Variants in ZYG11B observed in about 807,000 individuals in gnomAD.
ZYG11B encodes the protein zyg-11 family member B, cell cycle regulator, also known as protein zyg-11 homolog B.
In ZYG11B, 36 loss-of-function variants were observed where a neutral mutation model predicts 82.4. That is an observed-to-expected ratio of 0.44 (90% CI 0.33 to 0.58). The LOEUF (loss-of-function observed/expected upper bound fraction) is 0.58, where lower values mean the gene tolerates loss of function less well. Ranked by LOEUF, ZYG11B falls within the 20% of genes least tolerant of loss-of-function variation. The probability of loss-of-function intolerance (pLI) is 0.02; values close to 1 mark genes in which losing one functional copy is unlikely to be tolerated. For missense variants in ZYG11B, 552 were observed against 895.6 expected (o/e 0.62, Z 4.90); for synonymous variants, 303 against 312.8 (o/e 0.97, Z 0.33).
rs112354767 is a variant in ZYG11B, at chr1:52,733,212, T to C, written c.30+6529T>C. 2.0e-3 allele frequency among the ~76,000 whole-genome samples: 299 copies of C among 152,332 alleles called. 2 individuals are homozygous for C. The highest frequency in any genetic ancestry group is 6.8e-3 in the African/African-American group (283 of 41,574). On this transcript the variant is annotated intron_variant, in intron 1 of 13. Coordinates refer to ENST00000294353, the MANE Select transcript of ZYG11B (RefSeq NM_024646.3). ...GAGAAAGTTTTATCAGATTTTACTC[T>C]GTGGTAAAATTTGTATATCAAACCT... is the stretch of plus-strand genomic sequence containing the variant.
intron 1 of ZYG11B, among the ~76,000 whole-genome samples, chr1:52,741,414 ATTT>A (rs1644430941): frequency 1.3e-5 from 2 of 152,124 alleles, no homozygotes; most frequent in African/African-American, 4.8e-5. Context: ...TAACATCTCA[ATTT>A]CTCATAGGTA....
chr1:52,756,050 T>A (rs899704908), intron 1 of ZYG11B, among the ~76,000 whole-genome samples: 8 of 152,192 alleles, frequency 5.3e-5, no homozygotes, highest in African/African-American at 9.6e-5. Flanking sequence ...TCCTCCCACC[T>A]CGGCCCTACC....
intron 2 of ZYG11B, among the ~76,000 whole-genome samples, chr1:52,769,918 TA>T (rs1644731868): frequency 1.3e-5 from 2 of 151,996 alleles, no homozygotes; most frequent in Non-Finnish European, 2.9e-5. Context: ...GTTTAGTTGA[TA>T]TGTGATATGT....
chr1:52,780,765 C>G (rs1400134410), intron 4 of ZYG11B, among the ~76,000 whole-genome samples: 1 of 152,132 alleles, frequency 6.6e-6, no homozygotes, highest in Non-Finnish European at 1.5e-5. Flanking sequence ...CATCACAGCA[C>G]CTAGCTATTT....
At chr1:52,767,166 TTA>T (rs1400161241) in intron 2 of ZYG11B, among the ~76,000 whole-genome samples, 3 of 129,576 alleles carry the variant, frequency 2.3e-5, no homozygotes, top group South Asian at 2.4e-4. Flanking sequence ...TTATTTTATG[TTA>T]TGTTATTTTG....
rs763335021 is a variant in ZYG11B, at chr1:52,802,134, CT to C, written c.1694del (p.Leu565Ter). On this transcript the variant is annotated frameshift_variant, in exon 10 of 14. Transcript: ENST00000294353. LOFTEE classifies it high-confidence loss of function. Reference protein sequence around the residue: ...ESSIQQKVLGLLNNIAEVQEL... With the variant: ...ESSIQQKVLGXLNNIAEVQEL... ...ATCCATTCAGCAGAAAGTTCTAGGA[CT>C]TTTGGTAAGATATAAGCACTTCCTG... The C allele has an allele frequency of 6.2e-7, 1 of 1,610,490 alleles. No individual in the cohort carries two copies. The highest frequency in any genetic ancestry group is 8.5e-7 in the Non-Finnish European group (1 of 1,179,056).
At chr1:52,736,534 C>T (rs1644379956) in intron 1 of ZYG11B, among the ~76,000 whole-genome samples, 1 of 152,048 alleles carries the variant, frequency 6.6e-6, no homozygotes, top group South Asian at 2.1e-4. Flanking sequence ...CTCACTGCAA[C>T]CTCGGCCTCC....
intron 10 of ZYG11B, 112 bp from the exon 11 acceptor site, chr1:52,813,424 T>C: frequency 2.5e-6 from 2 of 793,320 alleles, no homozygotes; most frequent in Non-Finnish European, 3.9e-6. Flanking sequence ...CTCAGGGAAA[T>C]ACTTTTCTTT....
intron 8 of ZYG11B, among the ~76,000 whole-genome samples, chr1:52,800,461 A>G (rs1645066864): frequency 6.6e-6 from 1 of 152,042 alleles, no homozygotes; most frequent in Admixed American, 6.6e-5. Context: ...TGGTATCTTC[A>G]AAGGTTTTTT....
At position 52,813,702 on chromosome 1, in the gene ZYG11B, G is replaced by A. The variant is rs147002890; in HGVS notation, c.1862G>A (p.Arg621His). Residue 621 changes from arginine to histidine, a missense_variant, in exon 11 of 14, where the codon CGT becomes CAT. Physicochemically the swap from Arg to His is conservative, Grantham distance 29. Transcript: ENST00000294353. ...GGTGAACAAGCTTGGACATTGAGTCGTAGCCAGAGGAATTCTCTGCTGGAT... is the reference window on the plus strand; with the variant it reads ...GGTGAACAAGCTTGGACATTGAGTCATAGCCAGAGGAATTCTCTGCTGGAT... ...SRGEQAWTLSRSQRNSLLDDL... is the reference protein window; with the variant it reads ...SRGEQAWTLSHSQRNSLLDDL... The A allele has an allele frequency of 5.2e-5, 84 of 1,613,954 alleles. No homozygotes were observed. Among genetic ancestry groups the A allele is most frequent in the African/African-American group, 1.6e-4 (12 of 74,896 alleles).
At chr1:52,784,799 A>G in intron 4 of ZYG11B, 78 bp from the exon 5 acceptor site, 1 of 1,465,758 alleles carries the variant, frequency 6.8e-7, no homozygotes. Context: ...ATTACTATAG[A>G]CCAACAAAAT....
In ZYG11B at chr1:52,823,679, A is replaced by T. The variant is rs1048592794; in HGVS notation, c.*2050A>T. ...AGCCTATTTAAGAAGTTTGGCTTCA[A>T]GTTTCTGTTTTATAAGACAAAAGTG... is the stretch of plus-strand genomic sequence containing the variant. On this transcript the variant is annotated 3_prime_UTR_variant, in exon 14 of 14. Transcript: ENST00000294353. 1 of 152,224 alleles carries T rather than the reference A, an allele frequency of 6.6e-6. No homozygotes were observed. Among genetic ancestry groups the T allele is most frequent in the Non-Finnish European group, 1.5e-5 (1 of 68,042 alleles). 9.4% of individuals were successfully genotyped at this position (152,224 alleles called of 1,614,324 possible). A position where few individuals can be genotyped will look rare whatever the true frequency, so the allele number is the denominator to read the frequency against.
At chr1:52,768,888 C>G (rs933307033) in intron 2 of ZYG11B, among the ~76,000 whole-genome samples, 2 of 152,240 alleles carry the variant, frequency 1.3e-5, no homozygotes, top group African/African-American at 4.8e-5. Context: ...GCCACTGCAC[C>G]TGGCCTACTA....
At position 52,817,777 on chromosome 1, in the gene ZYG11B, GTATATATATATATATA is replaced by G. The variant is rs869260265; in HGVS notation, c.2044+1172_2044+1187del. ...AATAGTAAAGTGTGTATATATATGT[GTATATATATATATATA>G]TATATATATATATATATATATATTT... On this transcript the variant is annotated intron_variant, in intron 13 of 13. Coordinates refer to ENST00000294353, the MANE Select transcript of ZYG11B (RefSeq NM_024646.3). 5.7e-3 allele frequency among the ~76,000 whole-genome samples: 238 copies of G among 41,526 alleles called. 3 individuals carry two copies. Among genetic ancestry groups the G allele is most frequent in the South Asian group, 0.034 (34 of 1,010 alleles). The allele number at this position is 41,526 out of a possible 152,430, so 27.2% of individuals were successfully genotyped here.
At chr1:52,794,842 C>G (rs747240539) in intron 6 of ZYG11B, among the ~76,000 whole-genome samples, 1 of 152,204 alleles carries the variant, frequency 6.6e-6, no homozygotes, top group Non-Finnish European at 1.5e-5. Context: ...TCATCCATTT[C>G]TCTTCACTTC....
At chr1:52,734,818 T>C (rs113273246) in intron 1 of ZYG11B, among the ~76,000 whole-genome samples, 74 of 151,966 alleles carry the variant, frequency 4.9e-4, no homozygotes, top group Admixed American at 1.1e-3. Flanking sequence ...AACGTCCACC[T>C]CCCGGGTTCA....
chr1:52,759,910 A>C (rs1181835884), intron 2 of ZYG11B, among the ~76,000 whole-genome samples: 1 of 152,086 alleles, frequency 6.6e-6, no homozygotes, highest in Non-Finnish European at 1.5e-5. Context: ...GGCTCACTAC[A>C]ACCTCTGCTT....
intron 8 of ZYG11B, among the ~76,000 whole-genome samples, 191 bp downstream of exon 8, chr1:52,796,975 TAAA>T (rs1645017551): frequency 1.2e-4 from 8 of 65,988 alleles, no homozygotes; most frequent in African/African-American, 3.4e-4. Flanking sequence ...ATAATATATA[TAAA>T]TATATATATT....
intron 1 of ZYG11B, among the ~76,000 whole-genome samples, chr1:52,734,614 C>A (rs1418900278): frequency 2.0e-5 from 3 of 150,374 alleles, no homozygotes; most frequent in African/African-American, 7.3e-5. Flanking sequence ...CGCGCCATTG[C>A]ACTCCAGCCT....
Sources: allele counts gnomAD v4.1 joint callset (sites outside exome capture counted in the v4.1 genomes callset), GRCh38; gene constraint gnomAD v4.1.1; transcripts MANE v1.5; gene names NCBI Gene and HGNC (gene_info 2026-07-23, HGNC 2026-07-21).